ROBO1: variants seen among roughly 807,000 people sequenced by gnomAD.
The protein encoded by ROBO1 is roundabout guidance receptor 1.
ROBO1 carries 149 observed loss-of-function variants against 195.9 expected under a neutral mutation model. That is an observed-to-expected ratio of 0.76 (90% CI 0.67 to 0.87). ROBO1 has a LOEUF of 0.87. Ranked by LOEUF, ROBO1 falls within the 40% of genes least tolerant of loss-of-function variation. The probability of loss-of-function intolerance (pLI) is 0.00; values close to 1 mark genes in which losing one functional copy is unlikely to be tolerated. For synonymous variants in ROBO1, 816 were observed against 733.2 expected, an observed-to-expected ratio of 1.11 and a Z score of -1.82; for missense variants, 1,933 against 2,068.3, an observed-to-expected ratio of 0.93 and a Z score of 1.27.
chr3:79,694,646 A>G (rs745897803), intron 1 of ROBO1, among the ~76,000 whole-genome samples: 44 of 151,810 alleles, frequency 2.9e-4, no homozygotes, highest in Non-Finnish European at 5.9e-4. Context: ...AATAATTTAC[A>G]TTCATACATG....
At chr3:78,618,561 AAG>A (rs978469701) in intron 26 of ROBO1, among the ~76,000 whole-genome samples, 2 of 152,140 alleles carry the variant, frequency 1.3e-5, no homozygotes, top group African/African-American at 4.8e-5. Context: ...AGATTTAAAA[AAG>A]CACACATTCA....
chr3:79,586,290 A>G (rs1175827618), intron 2 of ROBO1, among the ~76,000 whole-genome samples: 1 of 151,974 alleles, frequency 6.6e-6, no homozygotes. Flanking sequence ...TAATCTATTT[A>G]TGGATGATTC....
At chr3:79,158,174 C>T in intron 2 of ROBO1, among the ~76,000 whole-genome samples, 1 of 151,656 alleles carries the variant, frequency 6.6e-6, no homozygotes, top group Non-Finnish European at 1.5e-5. Flanking sequence ...AAAATGGAAT[C>T]TCACTGATGC....
chr3:79,548,048 C>T (rs1485891264), intron 2 of ROBO1, among the ~76,000 whole-genome samples: 4 of 152,032 alleles, frequency 2.6e-5, no homozygotes, highest in Non-Finnish European at 1.5e-5. Context: ...CGGGTGTGTG[C>T]AGAAACAGTT....
At chr3:79,097,125 C>A (rs985241210) in intron 3 of ROBO1, among the ~76,000 whole-genome samples, 2 of 151,890 alleles carry the variant, frequency 1.3e-5, no homozygotes, top group East Asian at 3.9e-4. Context: ...ATACTAAAAG[C>A]ATGGCATAAG....
intron 4 of ROBO1, among the ~76,000 whole-genome samples, chr3:78,889,838 A>T (rs1266078606): frequency 1.3e-5 from 2 of 152,150 alleles, no homozygotes; most frequent in Non-Finnish European, 2.9e-5. Context: ...GAAGAAATAA[A>T]TTTTTGATAA....
At chr3:78,887,585 AG>A (rs1355894250) in intron 4 of ROBO1, among the ~76,000 whole-genome samples, 4 of 152,330 alleles carry the variant, frequency 2.6e-5, no homozygotes, top group African/African-American at 9.6e-5. Flanking sequence ...TTTAAGTCCA[AG>A]GATACTTAGT....
At chr3:79,009,965 A>C (rs967413201) in intron 3 of ROBO1, among the ~76,000 whole-genome samples, 1 of 152,162 alleles carries the variant, frequency 6.6e-6, no homozygotes, top group Non-Finnish European at 1.5e-5. Context: ...TATTCCACAA[A>C]CTGAACAGCA....
At chr3:79,549,406 C>A (rs548189074) in intron 2 of ROBO1, among the ~76,000 whole-genome samples, 2 of 152,198 alleles carry the variant, frequency 1.3e-5, no homozygotes, top group African/African-American at 4.8e-5. Context: ...ACAACCAACC[C>A]TTACTAGGGA....
intron 29 of ROBO1, among the ~76,000 whole-genome samples, chr3:78,602,442 T>C (rs1481440905): frequency 2.0e-5 from 3 of 152,186 alleles, no homozygotes; most frequent in Non-Finnish European, 4.4e-5. Flanking sequence ...CTTAGCCAAT[T>C]AAATCTCTTT....
chr3:78,978,554 C>T (rs1266866378), intron 3 of ROBO1, among the ~76,000 whole-genome samples: 1 of 152,016 alleles, frequency 6.6e-6, no homozygotes, highest in Non-Finnish European at 1.5e-5. Context: ...TTATCCTCAT[C>T]TTGAAGGTAG....
At chr3:78,615,853 A>G (rs1437541111) in intron 27 of ROBO1, among the ~76,000 whole-genome samples, 2 of 152,218 alleles carry the variant, frequency 1.3e-5, no homozygotes, top group Non-Finnish European at 2.9e-5. Context: ...TATTCATATT[A>G]ACTTCAAGTC....
rs1707879872 is a variant in ROBO1, at chr3:78,668,643, T to A, written c.1549-78A>T. 4.6e-6 allele frequency: 6 copies of A among 1,308,290 alleles called. No homozygotes were observed. In the East Asian group the frequency reaches 1.2e-4, roughly 26 times the overall value. 81.0% of individuals were successfully genotyped at this position (1,308,290 alleles called of 1,614,324 possible). On this transcript the variant is annotated intron_variant, in intron 11 of 30. Coordinates refer to ENST00000464233, the MANE Select transcript of ROBO1 (RefSeq NM_002941.4). ...CTGGAAAAGCAATTACAGGTTTGTATATGATCCATGAATATGGATAACTGC... is the reference window on the plus strand; with the variant it reads ...CTGGAAAAGCAATTACAGGTTTGTAAATGATCCATGAATATGGATAACTGC...
chr3:79,077,236 T>C (rs9881209), intron 3 of ROBO1, among the ~76,000 whole-genome samples: 151,480 of 151,986 alleles, frequency 1, 75,492 homozygotes, highest in Middle Eastern at 1. Flanking sequence ...CTGTTCTACT[T>C]TCTACTTCTA....
At position 78,683,831 on chromosome 3, in the gene ROBO1, A is replaced by G. The variant is rs73850751; in HGVS notation, c.1342+1915T>C. On this transcript the variant is annotated intron_variant, in intron 10 of 30. Coordinates refer to ENST00000464233, the MANE Select transcript of ROBO1 (RefSeq NM_002941.4). The stretch of plus-strand genomic sequence containing the variant: ...TCACAAAATATCAAAGGTGTAAATA[A>G]TAAAGCTTCTAGAAGAAGACATAGA... 7.0e-3 allele frequency among the ~76,000 whole-genome samples: 1,069 copies of G among 152,172 alleles called. 16 individuals carry two copies. Among genetic ancestry groups the G allele is most frequent in the African/African-American group, 0.024 (1,011 of 41,544 alleles).
intron 1 of ROBO1, among the ~76,000 whole-genome samples, chr3:79,718,860 A>C (rs984449779): frequency 2.0e-5 from 3 of 152,096 alleles, no homozygotes; most frequent in African/African-American, 7.2e-5. Context: ...AGCCACTGTA[A>C]ACATTTCTAT....
At chr3:79,053,950 C>T (rs558017717) in intron 3 of ROBO1, among the ~76,000 whole-genome samples, 1 of 152,242 alleles carries the variant, frequency 6.6e-6, no homozygotes, top group East Asian at 1.9e-4. Context: ...GATGCTTGTA[C>T]TCAGTATGGT....
At chr3:79,305,574 G>C (rs923102046) in intron 2 of ROBO1, among the ~76,000 whole-genome samples, 24 of 150,636 alleles carry the variant, frequency 1.6e-4, no homozygotes, top group African/African-American at 5.9e-4. Context: ...ATTTTCAGAA[G>C]TGTGATTCAA....
At chr3:79,300,996 G>A (rs149128479) in intron 2 of ROBO1, among the ~76,000 whole-genome samples, 6,720 of 152,178 alleles carry the variant, frequency 0.044, 278 homozygotes, top group African/African-American at 0.11. Context: ...GCAAGATGTG[G>A]GTGGGGCCAG....
Sources: allele counts gnomAD v4.1 joint callset (sites outside exome capture counted in the v4.1 genomes callset), GRCh38; gene constraint gnomAD v4.1.1; transcripts MANE v1.5; gene names NCBI Gene and HGNC (gene_info 2026-07-23, HGNC 2026-07-21).